The following FARP1 variants were observed in gnomAD, a reference collection of about 807,000 sequenced individuals.
FARP1 encodes the protein FERM, ARHGEF and pleckstrin domain-containing protein 1.
A neutral mutation model predicts 128.8 loss-of-function variants in FARP1; 52 were observed. The ratio of observed to expected loss-of-function variants is 0.40; its 90% CI spans 0.32 to 0.51. FARP1 has a LOEUF of 0.51. Among genes scored for constraint, FARP1 ranks in the 20% least tolerant of loss-of-function variants. FARP1 has a pLI of 0.45. For missense variants in FARP1, 1,333 were observed against 1,367.9 expected (o/e 0.97, Z 0.40); for synonymous variants, 580 against 551.8 (o/e 1.05, Z -0.72).
intron 2 of FARP1, among the ~76,000 whole-genome samples, chr13:98,293,637 T>C (rs1242140425): frequency 6.6e-6 from 1 of 152,132 alleles, no homozygotes; most frequent in Non-Finnish European, 1.5e-5. Flanking sequence ...GGAATCGAAA[T>C]TTCCATGATC....
chr13:98,228,008 G>T (rs1881894509), intron 2 of FARP1, among the ~76,000 whole-genome samples: 1 of 152,200 alleles, frequency 6.6e-6, no homozygotes, highest in Admixed American at 6.5e-5. Flanking sequence ...AAAACATTGG[G>T]AGATCTTTTT....
intron 6 of FARP1, among the ~76,000 whole-genome samples, chr13:98,382,721 G>T (rs2140030066): frequency 6.6e-6 from 1 of 152,214 alleles, no homozygotes; most frequent in Non-Finnish European, 1.5e-5. Context: ...ACGAGGCAAA[G>T]CTCTGCCTTC....
intron 2 of FARP1, among the ~76,000 whole-genome samples, chr13:98,251,232 A>C (rs1417725562): frequency 1.3e-5 from 2 of 152,222 alleles, no homozygotes; most frequent in Non-Finnish European, 2.9e-5. Flanking sequence ...AGTGAGGCTC[A>C]AACAGGTGCT....
At chr13:98,200,337 G>C (rs1879848663) in intron 1 of FARP1, among the ~76,000 whole-genome samples, 1 of 151,288 alleles carries the variant, frequency 6.6e-6, no homozygotes, top group South Asian at 2.1e-4. Flanking sequence ...AGCAGGAGCA[G>C]TGCTTCTCAG....
intron 24 of FARP1, chr13:98,445,781 C>CGCCG: frequency 8.7e-6 from 2 of 229,078 alleles, no homozygotes; most frequent in Non-Finnish European, 8.7e-6. Flanking sequence ...GTGATCTCGT[C>CGCCG]TTCACTAGTT....
intron 2 of FARP1, among the ~76,000 whole-genome samples, chr13:98,249,979 A>G (rs942042423): frequency 3.3e-5 from 5 of 152,212 alleles, no homozygotes; most frequent in Non-Finnish European, 5.9e-5. Flanking sequence ...TTGAAAACCT[A>G]ATTTTTAAGT....
intron 2 of FARP1, among the ~76,000 whole-genome samples, chr13:98,336,027 A>G (rs575049083): frequency 6.6e-5 from 10 of 152,298 alleles, no homozygotes; most frequent in Middle Eastern, 3.4e-3. Context: ...AGTTCTGTCT[A>G]TGAGATGATT....
chr13:98,254,386 C>G (rs1883486957), intron 2 of FARP1, among the ~76,000 whole-genome samples: 1 of 152,116 alleles, frequency 6.6e-6, no homozygotes, highest in Non-Finnish European at 1.5e-5. Flanking sequence ...AGAATAGTAT[C>G]TCTCTCCTTG....
intron 2 of FARP1, chr13:98,333,966 ACAT>A (rs56041443): frequency 4.0e-5 from 6 of 151,670 alleles, no homozygotes; most frequent in Middle Eastern, 6.7e-3. Context: ...CTCCTCCTCC[ACAT>A]CATCATCATC....
intron 2 of FARP1, among the ~76,000 whole-genome samples, chr13:98,315,036 CA>C (rs1185757347): frequency 1.3e-5 from 2 of 152,232 alleles, no homozygotes; most frequent in African/African-American, 4.8e-5. Flanking sequence ...GGATGGCCAA[CA>C]GGACAGCGCT....
intron 2 of FARP1, among the ~76,000 whole-genome samples, chr13:98,335,396 A>G (rs912451476): frequency 2.0e-5 from 3 of 152,218 alleles, no homozygotes; most frequent in South Asian, 4.2e-4. Flanking sequence ...GTGCAGAAAA[A>G]CTTTTCCTTA....
intron 13 of FARP1, chr13:98,396,694 C>T (rs1416086595): frequency 2.6e-6 from 1 of 390,192 alleles, no homozygotes; most frequent in Non-Finnish European, 4.5e-6. Context: ...GCTTGCTTTC[C>T]AGAAAAGGTG....
Position 98,409,474 on chromosome 13 carries a change from G to A in FARP1, c.1551G>A (p.Leu517=). 1 of 1,613,952 alleles carries A rather than the reference G, an allele frequency of 6.2e-7. No homozygotes were observed. ...CCTCTCCCTTGATCAGCCCGCTGCTGAATGACCAGGCCTGCCCCCGGACGG... is the reference window on the plus strand; with the variant it reads ...CCTCTCCCTTGATCAGCCCGCTGCTAAATGACCAGGCCTGCCCCCGGACGG... ...KQASPLISPL[L]NDQACPRTDD... The change falls in exon 14 of 27, where the codon CTG becomes CTA. Residue 517 remains leucine (L), a synonymous_variant. Transcript: ENST00000319562.
At chr13:98,306,958 C>T (rs78581082) in intron 2 of FARP1, among the ~76,000 whole-genome samples, 2,493 of 152,252 alleles carry the variant, frequency 0.016, 62 homozygotes, top group African/African-American at 0.054. Context: ...TTCTTCATGA[C>T]CACCCTCCCA....
chr13:98,197,641 AT>A (rs891411436), intron 1 of FARP1, among the ~76,000 whole-genome samples: 9 of 147,194 alleles, frequency 6.1e-5, no homozygotes, highest in Admixed American at 6.8e-5. Context: ...AACTTCCTTA[AT>A]TTTTTTTTTT....
At chr13:98,207,753 A>G (rs114141891) in intron 1 of FARP1, among the ~76,000 whole-genome samples, 2,253 of 152,248 alleles carry the variant, frequency 0.015, 52 homozygotes, top group African/African-American at 0.052. Context: ...AACTTGACTG[A>G]TGGCATAGTT....
chr13:98,307,153 T>C (rs1886202089), intron 2 of FARP1, among the ~76,000 whole-genome samples: 1 of 152,204 alleles, frequency 6.6e-6, no homozygotes, highest in Non-Finnish European at 1.5e-5. Context: ...CATTCTGGCT[T>C]TATGATTCCG....
At chr13:98,314,101 G>A (rs1346239065) in intron 2 of FARP1, among the ~76,000 whole-genome samples, 1 of 152,030 alleles carries the variant, frequency 6.6e-6, no homozygotes, top group Non-Finnish European at 1.5e-5. Context: ...GGGTACAGGT[G>A]CAGGCAGGGA....
chr13:98,409,822 C>A (rs1159114546), intron 14 of FARP1, among the ~76,000 whole-genome samples: 1 of 152,218 alleles, frequency 6.6e-6, no homozygotes. Context: ...TTTGCCTACT[C>A]TAGGTACCTC....
Sources: allele counts gnomAD v4.1 joint callset (sites outside exome capture counted in the v4.1 genomes callset), GRCh38; gene constraint gnomAD v4.1.1; transcripts MANE v1.5; gene names NCBI Gene and HGNC (gene_info 2026-07-23, HGNC 2026-07-21).